The following PRKN variants were observed in gnomAD, a reference collection of about 807,000 sequenced individuals.
PRKN encodes parkin RBR E3 ubiquitin protein ligase.
A neutral mutation model predicts 59.5 loss-of-function variants in PRKN; 56 were observed. The observed-to-expected ratio is 0.94, with a 90% CI of 0.76 to 1.18. The LOEUF (loss-of-function observed/expected upper bound fraction) is 1.18. PRKN is among the 50% of genes most tolerant of loss of function. The pLI is 0.00. For missense variants in PRKN, 657 were observed against 596.4 expected (o/e 1.10, Z -1.06); for synonymous variants, 250 against 222.1 (o/e 1.13, Z -1.12).
intron 4 of PRKN, among the ~76,000 whole-genome samples, chr6:162,169,800 T>C (rs1303777476): frequency 6.6e-6 from 1 of 152,240 alleles, no homozygotes; most frequent in Non-Finnish European, 1.5e-5. Flanking sequence ...TGAATCCTTT[T>C]GATCTTCTAT....
chr6:162,629,475 T>A (rs1005929685), intron 1 of PRKN, among the ~76,000 whole-genome samples: 1 of 152,148 alleles, frequency 6.6e-6, no homozygotes, highest in African/African-American at 2.4e-5. Context: ...CAAGTTCGTA[T>A]TTTTAAAAGA....
At chr6:162,442,861 T>C (rs1450114085) in intron 2 of PRKN, among the ~76,000 whole-genome samples, 2 of 152,176 alleles carry the variant, frequency 1.3e-5, no homozygotes, top group African/African-American at 2.4e-5. Flanking sequence ...TAGCGCAGCA[T>C]AGCAGCAGCC....
intron 9 of PRKN, among the ~76,000 whole-genome samples, chr6:161,453,086 T>C (rs988967128): frequency 1.3e-5 from 2 of 152,318 alleles, no homozygotes; most frequent in Middle Eastern, 3.4e-3. Context: ...CCATTTTTGA[T>C]AGTTGCAAAT....
chr6:162,248,415 A>C (rs554546334), intron 3 of PRKN, among the ~76,000 whole-genome samples: 99 of 152,244 alleles, frequency 6.5e-4, no homozygotes, highest in Admixed American at 1.5e-3. Flanking sequence ...GCCTTTTATT[A>C]GTATCAAACT....
intron 6 of PRKN, among the ~76,000 whole-genome samples, chr6:161,914,783 G>A (rs971542507): frequency 1.3e-5 from 2 of 151,758 alleles, no homozygotes; most frequent in Non-Finnish European, 2.9e-5. Context: ...ACTGGCAAGC[G>A]ATACTCATGA....
intron 2 of PRKN, among the ~76,000 whole-genome samples, chr6:162,282,044 C>T (rs1379063600): frequency 1.3e-5 from 2 of 152,168 alleles, no homozygotes; most frequent in African/African-American, 2.4e-5. Flanking sequence ...CAGACAGGAG[C>T]TCCAGCGTCA....
chr6:162,529,428 T>C (rs1778416190), intron 1 of PRKN, among the ~76,000 whole-genome samples: 1 of 152,188 alleles, frequency 6.6e-6, no homozygotes, highest in Non-Finnish European at 1.5e-5. Flanking sequence ...TGGAAAATTA[T>C]AAAGACGATA....
rs951475234 is a variant in PRKN, at chr6:162,212,356, A to G, written c.413-11104T>C. Among the ~76,000 whole-genome samples, 3 of 150,862 alleles carry G rather than the reference A, an allele frequency of 2.0e-5. No individual in the cohort carries two copies. In the Admixed American group the frequency reaches 2.0e-4, roughly 10 times the overall value. ...TCCCCACCCCCACCTTCAACCAAAA[A>G]GAATGTTGTCCCAGGAAGACATTAA... On this transcript the variant is annotated intron_variant, in intron 3 of 11. Transcript: ENST00000366898.
intron 6 of PRKN, among the ~76,000 whole-genome samples, chr6:161,875,845 T>C (rs11966164): frequency 0.054 from 8,283 of 152,148 alleles, 729 homozygotes; most frequent in African/African-American, 0.18. Context: ...GATCCTCCCC[T>C]CACTGGCATC....
rs1779108585 is a variant in PRKN at position 161,529,028 on chromosome 6, AAC to A, written c.1083+19824_1083+19825del. Among the ~76,000 whole-genome samples, 2 of 152,158 alleles carry A rather than the reference AAC, an allele frequency of 1.3e-5. No homozygotes were observed. The highest frequency in any genetic ancestry group is 2.9e-5 in the Non-Finnish European group (2 of 68,028). On this transcript the variant is annotated intron_variant, in intron 9 of 11. Transcript: ENST00000366898. The surrounding 1 kb of genome is among the most constrained non-coding windows in gnomAD (Gnocchi z 4.4). ...GAATTATTGCATTGATATTCACAACAACAGTCTTGTTTGAATATCTTAATTTA... is the reference window on the plus strand; with the variant it reads ...GAATTATTGCATTGATATTCACAACAAGTCTTGTTTGAATATCTTAATTTA...
intron 2 of PRKN, among the ~76,000 whole-genome samples, chr6:162,428,766 A>G (rs1263636201): frequency 1.3e-5 from 2 of 152,086 alleles, no homozygotes; most frequent in Non-Finnish European, 2.9e-5. Context: ...TCCGTCCCCC[A>G]AACACCTAGA....
chr6:162,679,651 T>C (rs937319796), intron 1 of PRKN, among the ~76,000 whole-genome samples: 4 of 152,170 alleles, frequency 2.6e-5, no homozygotes, highest in Non-Finnish European at 5.9e-5. Flanking sequence ...ATTAATGAAG[T>C]TGCAGCATCA....
chr6:161,447,937 C>T lies in PRKN; in HGVS notation c.1084-61060G>A, dbSNP rs1789568634. Among the ~76,000 whole-genome samples, 1 of 152,200 alleles carries T rather than the reference C, an allele frequency of 6.6e-6. No homozygotes were observed. Among genetic ancestry groups the T allele is most frequent in the South Asian group, 2.1e-4 (1 of 4,828 alleles). On this transcript the variant is annotated intron_variant, in intron 9 of 11. Coordinates refer to ENST00000366898, the MANE Select transcript of PRKN (RefSeq NM_004562.3). This position sits in a 1 kb window ranked among gnomAD's most constrained non-coding sequence, Gnocchi z 4.1. Reference sequence around the variant, plus strand: ...GCTGTTTTTTCTCTCTGGTGCGTGACCACTGCTTCCTGATTTTTGTGTTGA... The same window carrying T: ...GCTGTTTTTTCTCTCTGGTGCGTGATCACTGCTTCCTGATTTTTGTGTTGA...
chr6:162,000,355 G>GTATC (rs1479757357), intron 5 of PRKN, among the ~76,000 whole-genome samples: 2 of 151,942 alleles, frequency 1.3e-5, no homozygotes, highest in Non-Finnish European at 2.9e-5. Context: ...ATGTGTACTG[G>GTATC]TATCTCATTG....
At chr6:161,626,797 A>T (rs1406788687) in intron 7 of PRKN, among the ~76,000 whole-genome samples, 2 of 152,222 alleles carry the variant, frequency 1.3e-5, no homozygotes, top group African/African-American at 4.8e-5. Context: ...CTGGTGCCGC[A>T]GGCATTTATT....
chr6:162,301,779 G>A (rs1006301828), intron 2 of PRKN, among the ~76,000 whole-genome samples: 2 of 111,118 alleles, frequency 1.8e-5, no homozygotes, highest in East Asian at 2.6e-4. Flanking sequence ...TAAATTGGCC[G>A]GGGCGGGGGG....
At chr6:162,088,575 G>A (rs1031171820) in intron 4 of PRKN, among the ~76,000 whole-genome samples, 7 of 152,122 alleles carry the variant, frequency 4.6e-5, no homozygotes, top group Non-Finnish European at 1.0e-4. Context: ...GATCCTGATA[G>A]TTCACTGGTA....
intron 1 of PRKN, among the ~76,000 whole-genome samples, chr6:162,449,786 C>T (rs951491917): frequency 2.6e-5 from 4 of 152,010 alleles, no homozygotes; most frequent in Admixed American, 6.6e-5. Context: ...TAAATGCTAT[C>T]GGATCAACCC....
At chr6:161,647,940 T>C (rs931610258) in intron 7 of PRKN, among the ~76,000 whole-genome samples, 3 of 152,250 alleles carry the variant, frequency 2.0e-5, no homozygotes, top group African/African-American at 7.2e-5. Context: ...TAGTACGGTA[T>C]GAGATTTGCT....
Sources: gnomAD v4.1 joint callset for allele counts (sites outside exome capture counted in the v4.1 genomes callset) on GRCh38, gnomAD v4.1.1 for gene constraint, Gnocchi (gnomAD v3.1) non-coding constraint, MANE v1.5 for transcripts, NCBI Gene and HGNC (gene_info 2026-07-23, HGNC 2026-07-21) for gene names.